The following TNIK variants were observed in gnomAD, a reference collection of about 807,000 sequenced individuals.
TNIK encodes TRAF2 and NCK-interacting protein kinase.
In TNIK, 49 loss-of-function variants were observed where a neutral mutation model predicts 191.3. That is an observed-to-expected ratio of 0.26 (90% CI 0.20 to 0.32). The LOEUF (loss-of-function observed/expected upper bound fraction) is 0.32. Ranked by LOEUF, TNIK falls within the 10% of genes least tolerant of loss-of-function variation. The pLI is 1.00. For synonymous variants in TNIK, 594 were observed against 600.9 expected (o/e 0.99, Z 0.17); for missense variants, 1,155 against 1,702.3 (o/e 0.68, Z 5.66).
intron 2 of TNIK, among the ~76,000 whole-genome samples, chr3:171,333,817 C>CA (rs1369333150): frequency 6.6e-6 from 1 of 152,224 alleles, no homozygotes; most frequent in Non-Finnish European, 1.5e-5. Flanking sequence ...TCGTGCTCAG[C>CA]ACTCAGTTAC....
intron 8 of TNIK, among the ~76,000 whole-genome samples, chr3:171,176,028 GTTC>G (rs1488411582): frequency 2.0e-5 from 3 of 152,280 alleles, no homozygotes; most frequent in African/African-American, 7.2e-5. Context: ...GCACTCATAT[GTTC>G]TTATTTTAAT....
chr3:171,277,129 C>T (rs567524868), intron 2 of TNIK, among the ~76,000 whole-genome samples: 63 of 152,304 alleles, frequency 4.1e-4, no homozygotes, highest in African/African-American at 1.4e-3. Flanking sequence ...CCTTCTCTCC[C>T]TTGTGCATAC....
intron 7 of TNIK, among the ~76,000 whole-genome samples, chr3:171,183,290 A>T (rs1380127362): frequency 3.9e-5 from 6 of 152,226 alleles, no homozygotes; most frequent in African/African-American, 1.4e-4. Context: ...AACAGAAGGG[A>T]GGACAGCTGA....
chr3:171,260,100 T>C (rs1319438452), intron 2 of TNIK, among the ~76,000 whole-genome samples: 1 of 152,082 alleles, frequency 6.6e-6, no homozygotes, highest in East Asian at 1.9e-4. Flanking sequence ...ATGTTCCTCA[T>C]CCTCCACCAT....
chr3:171,347,114 T>C, intron 2 of TNIK: 6 of 1,502,914 alleles, frequency 4.0e-6, no homozygotes, highest in Non-Finnish European at 5.3e-6. Context: ...ATTTAGGAAA[T>C]AGGATCAGCT....
chr3:171,063,057 T>A lies in TNIK; in HGVS notation c.*824A>T, dbSNP rs773487031. The A allele has an allele frequency of 6.6e-6, 1 of 152,226 alleles. No homozygotes were observed. Among genetic ancestry groups the A allele is most frequent in the Non-Finnish European group, 1.5e-5 (1 of 68,064 alleles). 9.4% of individuals were successfully genotyped at this position (152,226 alleles called of 1,614,324 possible). ...TTGCATAATAGCTGAGGGAAAGTTG[T>A]GTTAGAGTGTCCCTCCATCGCTAGG... On this transcript the variant is annotated 3_prime_UTR_variant, in exon 33 of 33. Transcript: ENST00000436636.
intron 2 of TNIK, among the ~76,000 whole-genome samples, chr3:171,319,998 G>A (rs1755011889): frequency 6.6e-6 from 1 of 152,140 alleles, no homozygotes; most frequent in East Asian, 1.9e-4. Context: ...GACCCCGAAA[G>A]CGTAGGAGAG....
intron 7 of TNIK, 126 bp downstream of exon 7, chr3:171,188,576 C>T (rs1456429644): frequency 1.4e-5 from 17 of 1,243,002 alleles, no homozygotes; most frequent in Non-Finnish European, 1.8e-5. Flanking sequence ...AGGTCTTAAA[C>T]TCAAATAATG....
At chr3:171,294,425 AAAT>A (rs1395425657) in intron 2 of TNIK, among the ~76,000 whole-genome samples, 1 of 152,112 alleles carries the variant, frequency 6.6e-6, no homozygotes, top group African/African-American at 2.4e-5. Flanking sequence ...CTCTGTCTCC[AAAT>A]AATAATAGTA....
At chr3:171,320,122 A>G (rs1397594938) in intron 2 of TNIK, among the ~76,000 whole-genome samples, 1 of 152,204 alleles carries the variant, frequency 6.6e-6, no homozygotes, top group South Asian at 2.1e-4. Flanking sequence ...TAATTGATCA[A>G]GCCAGAGGAA....
chr3:171,405,189 A>G (rs370418637), intron 1 of TNIK, among the ~76,000 whole-genome samples: 1 of 152,188 alleles, frequency 6.6e-6, no homozygotes, highest in East Asian at 1.9e-4. Context: ...GAACGCAAGC[A>G]GTCAAACTCA....
At chr3:171,183,843 C>T (rs1048778026) in intron 7 of TNIK, among the ~76,000 whole-genome samples, 30 of 149,240 alleles carry the variant, frequency 2.0e-4, no homozygotes, top group Middle Eastern at 3.5e-3. Context: ...ATCGCTTGAA[C>T]CCAGGAGGCA....
In TNIK at chr3:171,061,374, C is replaced by A. The variant is rs1717815045; in HGVS notation, c.*2507G>T. On this transcript the variant is annotated 3_prime_UTR_variant, in exon 33 of 33. Coordinates refer to ENST00000436636, the MANE Select transcript of TNIK (RefSeq NM_015028.4). ...ACGTGTGTTTTATTGTTGTTGGCAC[C>A]AGAAAAGCTCATGTTCTATGTTATG... The A allele has an allele frequency of 6.6e-6, 1 of 152,044 alleles. No homozygotes were observed. Among genetic ancestry groups the A allele is most frequent in the African/African-American group, 2.4e-5 (1 of 41,380 alleles). 9.4% of individuals were successfully genotyped at this position (152,044 alleles called of 1,614,324 possible). A position where few individuals can be genotyped will look rare whatever the true frequency, so the allele number is the denominator to read the frequency against.
chr3:171,103,519 A>G (rs1414877485), intron 21 of TNIK, among the ~76,000 whole-genome samples: 1 of 152,154 alleles, frequency 6.6e-6, no homozygotes, highest in Non-Finnish European at 1.5e-5. Flanking sequence ...TAAAGTCTAG[A>G]TATTTGTTAA....
intron 22 of TNIK, among the ~76,000 whole-genome samples, chr3:171,094,301 AT>A (rs1262692333): frequency 4.6e-5 from 7 of 151,478 alleles, no homozygotes; most frequent in Non-Finnish European, 5.9e-5. Context: ...CGCCCAGCTA[AT>A]TTTTTTTGTA....
rs1385416386 is a variant in TNIK at position 171,087,432 on chromosome 3, C to T, written c.2796G>A (p.Leu932=). 1 of 1,613,946 alleles carries T rather than the reference C, an allele frequency of 6.2e-7. No homozygotes were observed. Among genetic ancestry groups the T allele is most frequent in the Admixed American group, 1.7e-5 (1 of 60,014 alleles). Residue 932 remains leucine (L), a synonymous_variant, in exon 24 of 33, where the codon CTG becomes CTA. Transcript: ENST00000436636. The part of the protein sequence containing the change: ...GFAGHINLPD[L]VQQSHSPAGT... ...CAGCTGGAGAATGGCTCTGCTGCAC[C>T]AGGTCAGGGAGGTTGATGTGGCCAG...
At chr3:171,404,894 C>T (rs7621500) in intron 1 of TNIK, among the ~76,000 whole-genome samples, 1 of 152,270 alleles carries the variant, frequency 6.6e-6, no homozygotes, top group Non-Finnish European at 1.5e-5. Flanking sequence ...AAGCCTATAA[C>T]ACATCAGCTT....
At chr3:171,197,380 C>T (rs1315265049) in intron 4 of TNIK, among the ~76,000 whole-genome samples, 1 of 150,522 alleles carries the variant, frequency 6.6e-6, no homozygotes, top group African/African-American at 2.4e-5. Flanking sequence ...TGCACAAGCA[C>T]CAAAATAAAA....
chr3:171,101,496 G>C lies in TNIK; in HGVS notation c.2544C>G (p.Ser848Arg). 2 of 1,613,226 alleles carry C rather than the reference G, an allele frequency of 1.2e-6. No homozygotes were observed. Among genetic ancestry groups the C allele is most frequent in the Non-Finnish European group, 1.7e-6 (2 of 1,179,464 alleles). The change falls in exon 22 of 33, where the codon AGC (serine) becomes AGG (arginine). Residue 848 changes from serine (S) to arginine (R), a missense_variant. By Grantham distance (110) the Ser-to-Arg change is moderately radical. Transcript: ENST00000436636. ...CAGCCACTGTCCCATCATGGGTCTC[G>C]CTCTCTCCATCTTCCTCCTCTTCCT... ...SSEEEEEDGE[S>R]ETHDGTVAVS... is the part of the protein sequence containing the mutation.
Sources: gnomAD v4.1 joint callset for allele counts (sites outside exome capture counted in the v4.1 genomes callset) on GRCh38, gnomAD v4.1.1 for gene constraint, MANE v1.5 for transcripts, NCBI Gene and HGNC (gene_info 2026-07-23, HGNC 2026-07-21) for gene names.